NEK11: variants seen among roughly 807,000 people sequenced by gnomAD.
The protein encoded by NEK11 is NIMA related kinase 11.
Under a neutral mutation model 80.7 loss-of-function variants are expected in NEK11, and 72 were observed. The observed-to-expected ratio is 0.89, with a 90% CI of 0.74 to 1.08. The LOEUF (loss-of-function observed/expected upper bound fraction) is 1.08. Among genes scored for constraint, NEK11 ranks in the 50% least tolerant of loss-of-function variants. NEK11 has a pLI of 0.00. For synonymous variants in NEK11, 251 were observed against 260.7 expected (o/e 0.96, Z 0.36); for missense variants, 764 against 763.6 (o/e 1.00, Z -0.01).
intron 4 of NEK11, chr3:131,092,994 G>T (rs560229552): frequency 6.6e-6 from 1 of 152,334 alleles, no homozygotes; most frequent in South Asian, 2.1e-4. Flanking sequence ...AGTTGCTTAT[G>T]AAGTGACAGT....
intron 3 of NEK11, among the ~76,000 whole-genome samples, chr3:131,048,772 T>C (rs1304029083): frequency 6.6e-6 from 1 of 152,250 alleles, no homozygotes; most frequent in Non-Finnish European, 1.5e-5. Context: ...GCTCTGTCTG[T>C]CTGAGTGGGA....
At chr3:131,186,777 C>G (rs1484211471) in intron 14 of NEK11, among the ~76,000 whole-genome samples, 3 of 152,132 alleles carry the variant, frequency 2.0e-5, no homozygotes, top group Non-Finnish European at 4.4e-5. Context: ...AAATATAGAG[C>G]TTGGTAGGCA....
intron 3 of NEK11, chr3:131,072,092 G>C (rs2073449563): frequency 6.6e-6 from 1 of 152,132 alleles, no homozygotes; most frequent in South Asian, 2.1e-4. Context: ...ATCAGGAAAT[G>C]GCTGATACTA....
chr3:131,293,479 G>A (rs1359717411), intron 17 of NEK11, among the ~76,000 whole-genome samples: 2 of 151,930 alleles, frequency 1.3e-5, no homozygotes, highest in Non-Finnish European at 2.9e-5. Context: ...TATATTGTTG[G>A]ATTTTATTTG....
chr3:131,029,414 G>C (rs2064445717), intron 2 of NEK11, among the ~76,000 whole-genome samples, 199 bp from the exon 3 acceptor site: 1 of 152,158 alleles, frequency 6.6e-6, no homozygotes, highest in Non-Finnish European at 1.5e-5. Flanking sequence ...AAATTTCAAT[G>C]TACAAAGGGA....
intron 3 of NEK11, among the ~76,000 whole-genome samples, chr3:131,060,269 G>C (rs1445782420): frequency 6.6e-6 from 1 of 152,220 alleles, no homozygotes; most frequent in Non-Finnish European, 1.5e-5. Flanking sequence ...CATTTGAGCA[G>C]ATCTGTATAA....
chr3:131,349,769 A>G lies in NEK11; in HGVS notation c.1931A>G (p.His644Arg). 6.2e-7 allele frequency: 1 copy of G among 1,610,290 alleles called. No individual in the cohort carries two copies. The highest frequency in any genetic ancestry group is 1.1e-5 in the South Asian group (1 of 90,404). ...GGAAAAGAACCTACTCTCCAGAACC[A>G]TCTCTAGGCAACTATCAAAAAGAAG... ...TMGKEPTLQN[H>R]L Residue 644 changes from histidine (H) to arginine (R), a missense_variant, in exon 18 of 18, where the codon CAT (histidine) becomes CGT (arginine). Physicochemically the swap from His to Arg is conservative, Grantham distance 29. Coordinates refer to ENST00000383366, the MANE Select transcript of NEK11 (RefSeq NM_024800.5).
At chr3:131,157,584 T>C (rs1233047224) in intron 10 of NEK11, among the ~76,000 whole-genome samples, 1 of 152,178 alleles carries the variant, frequency 6.6e-6, no homozygotes, top group African/African-American at 2.4e-5. Context: ...GTTGGCTAGA[T>C]GCAGCCAGGT....
chr3:131,255,814 C>T (rs895386460), intron 16 of NEK11, among the ~76,000 whole-genome samples: 9 of 152,246 alleles, frequency 5.9e-5, no homozygotes, highest in Non-Finnish European at 1.3e-4. Context: ...AATTACAAAC[C>T]TTCTACTTCT....
chr3:131,075,580 C>T (rs932185825), intron 3 of NEK11, among the ~76,000 whole-genome samples: 1 of 152,074 alleles, frequency 6.6e-6, no homozygotes, highest in Non-Finnish European at 1.5e-5. Flanking sequence ...GATGAAATAA[C>T]TTTAAAACAG....
At chr3:131,264,006 GTCT>G in intron 16 of NEK11, among the ~76,000 whole-genome samples, 1 of 152,294 alleles carries the variant, frequency 6.6e-6, no homozygotes, top group South Asian at 2.1e-4. Context: ...CTGCATAAAT[GTCT>G]TCTTTTGAGA....
chr3:131,176,277 C>A (rs1191862392), intron 14 of NEK11, among the ~76,000 whole-genome samples: 1 of 152,180 alleles, frequency 6.6e-6, no homozygotes, highest in African/African-American at 2.4e-5. Context: ...CTCTTTAGTT[C>A]TCAGAAAAGA....
At chr3:131,338,748 C>G (rs970373741) in intron 17 of NEK11, among the ~76,000 whole-genome samples, 2 of 152,176 alleles carry the variant, frequency 1.3e-5, no homozygotes, top group African/African-American at 4.8e-5. Context: ...TCTTTAAAAG[C>G]TGCATTCTGA....
intron 17 of NEK11, among the ~76,000 whole-genome samples, chr3:131,343,839 G>T (rs1482387502): frequency 6.6e-6 from 1 of 152,200 alleles, no homozygotes; most frequent in Non-Finnish European, 1.5e-5. Flanking sequence ...CCTGGCTCCT[G>T]AACCCATTCT....
intron 16 of NEK11, among the ~76,000 whole-genome samples, chr3:131,246,687 A>G (rs1291083053): frequency 6.6e-6 from 1 of 152,116 alleles, no homozygotes; most frequent in Admixed American, 6.6e-5. Flanking sequence ...AATAATTTTC[A>G]TACTGTTTTC....
intron 5 of NEK11, among the ~76,000 whole-genome samples, chr3:131,110,919 T>A (rs2080027427): frequency 6.6e-6 from 1 of 152,346 alleles, no homozygotes; most frequent in South Asian, 2.1e-4. Context: ...GATGTCAAAC[T>A]ATCTTTAGAA....
At chr3:131,243,363 G>C in intron 15 of NEK11, 73 bp from the exon 16 acceptor site, 1 of 1,387,272 alleles carries the variant, frequency 7.2e-7, no homozygotes, top group Non-Finnish European at 1.0e-6. Flanking sequence ...AATGTAGTAA[G>C]AACATTTTTC....
At chr3:131,186,828 G>A (rs757678698) in intron 14 of NEK11, among the ~76,000 whole-genome samples, 8 of 152,134 alleles carry the variant, frequency 5.3e-5, no homozygotes, top group South Asian at 2.1e-4. Flanking sequence ...GGTAATACTT[G>A]TGGCTTATTT....
At position 131,213,191 on chromosome 3, in the gene NEK11, C is replaced by CCACACACACACA. The variant is rs3050805; in HGVS notation, c.1400-15324_1400-15313dup. On this transcript the variant is annotated intron_variant, in intron 14 of 17. Coordinates refer to ENST00000383366, the MANE Select transcript of NEK11 (RefSeq NM_024800.5). ...CTTAAACCCCCCATGCCACCCATCT[C>CCACACACACACA]CACACACACACACACACACACACAT... 2.0e-5 allele frequency among the ~76,000 whole-genome samples: 3 copies of CCACACACACACA among 149,006 alleles called. No individual in the cohort carries two copies. In the South Asian group the frequency reaches 6.4e-4, roughly 32 times the overall value.
Sources: gnomAD v4.1 joint callset for allele counts (sites outside exome capture counted in the v4.1 genomes callset) on GRCh38, gnomAD v4.1.1 for gene constraint, MANE v1.5 for transcripts, NCBI Gene and HGNC (gene_info 2026-07-23, HGNC 2026-07-21) for gene names.